The following SULF1 variants were observed in gnomAD, a reference collection of about 807,000 sequenced individuals.
SULF1 encodes extracellular sulfatase Sulf-1.
SULF1 carries 46 observed loss-of-function variants against 110.5 expected under a neutral mutation model. That is an observed-to-expected ratio of 0.42 (90% CI 0.33 to 0.53). The LOEUF (loss-of-function observed/expected upper bound fraction) is 0.53, where lower values mean the gene tolerates loss of function less well. SULF1 is among the 20% of genes least tolerant of loss of function. The pLI is 0.12. For missense variants in SULF1, 941 were observed against 1,094.2 expected, an observed-to-expected ratio of 0.86 and a Z score of 1.98; for synonymous variants, 371 against 387.1, an observed-to-expected ratio of 0.96 and a Z score of 0.49.
intron 12 of SULF1, among the ~76,000 whole-genome samples, chr8:69,604,261 A>T (rs1808049503): frequency 6.6e-6 from 1 of 152,140 alleles, no homozygotes; most frequent in Non-Finnish European, 1.5e-5. Flanking sequence ...AGACCAGTGG[A>T]TTGAGTTTCT....
intron 8 of SULF1, among the ~76,000 whole-genome samples, chr8:69,590,351 C>T (rs765149062): frequency 6.6e-5 from 10 of 152,208 alleles, no homozygotes; most frequent in South Asian, 2.1e-4. Flanking sequence ...TTAGTAGAGA[C>T]GCAGTTCCAC....
Position 69,561,877 on chromosome 8 carries a change from G to T in SULF1, c.-133-1662G>T, listed in dbSNP as rs1815508552. Among the ~76,000 whole-genome samples, 4 of 152,186 alleles carry T rather than the reference G, an allele frequency of 2.6e-5. No individual in the cohort carries two copies. In the South Asian group the frequency reaches 8.3e-4, roughly 32 times the overall value. ...TTCCTGTCCCTTCATGCCTGTATCA[G>T]GTTTCTCACGATTTAAAACAAATGC... On this transcript the variant is annotated intron_variant, in intron 3 of 22. Coordinates refer to ENST00000402687, the MANE Select transcript of SULF1 (RefSeq NM_001128205.2).
intron 13 of SULF1, among the ~76,000 whole-genome samples, chr8:69,615,205 C>A (rs1460212520): frequency 6.6e-6 from 1 of 152,206 alleles, no homozygotes; most frequent in Non-Finnish European, 1.5e-5. Context: ...CAAAAAACAT[C>A]CCTTCTCATT....
chr8:69,640,792 T>C lies in SULF1; in HGVS notation c.2552-16T>C. Reference sequence around the variant, plus strand: ...CTAAAGCTAACAGAAATTACTCTTGTATTTTCCTATATCAGGAAATAAAGA... The same window carrying C: ...CTAAAGCTAACAGAAATTACTCTTGCATTTTCCTATATCAGGAAATAAAGA... On this transcript the variant is annotated splice_polypyrimidine_tract_variant and intron_variant, in intron 21 of 22. Transcript: ENST00000402687. 1 of 1,608,542 alleles carries C rather than the reference T, an allele frequency of 6.2e-7. No individual in the cohort carries two copies. Among genetic ancestry groups the C allele is most frequent in the Non-Finnish European group, 8.5e-7 (1 of 1,177,514 alleles).
intron 8 of SULF1, among the ~76,000 whole-genome samples, chr8:69,599,513 G>T (rs1298211058): frequency 6.6e-6 from 1 of 152,122 alleles, no homozygotes; most frequent in Non-Finnish European, 1.5e-5. Flanking sequence ...GATTTTCTCT[G>T]CTGTAAAGAG....
In SULF1 at chr8:69,536,916, G is replaced by T. The variant is rs181659994; in HGVS notation, c.-133-26623G>T. On this transcript the variant is annotated intron_variant, in intron 3 of 22. Coordinates refer to ENST00000402687, the MANE Select transcript of SULF1 (RefSeq NM_001128205.2). ...GGTGGTGTCCTGCAGAAGGACCCAG[G>T]CGCTTGACTGCCTGAGTTAAATGCC... Among the ~76,000 whole-genome samples the T allele has an allele frequency of 3.0e-3, 452 of 152,280 alleles. 10 individuals carry two copies. The highest frequency in any genetic ancestry group is 0.02 in the Admixed American group (308 of 15,302).
In SULF1 at chr8:69,621,544, G is replaced by T. The variant is rs72658280; in HGVS notation, c.1594+293G>T. Among the ~76,000 whole-genome samples the T allele has an allele frequency of 0.078, 11,844 of 152,266 alleles. 523 individuals carry two copies. The highest frequency in any genetic ancestry group is 0.2 in the South Asian group (981 of 4,826). The stretch of plus-strand genomic sequence containing the variant: ...AAAATGGTTATTCCAAAAGGTAAAG[G>T]ATATGGTTTAAGTCCATTTTATTTT... On this transcript the variant is annotated intron_variant, in intron 14 of 22. Transcript: ENST00000402687.
chr8:69,612,801 G>T (rs1808766941), intron 13 of SULF1, among the ~76,000 whole-genome samples: 1 of 152,208 alleles, frequency 6.6e-6, no homozygotes, highest in Non-Finnish European at 1.5e-5. Context: ...CACTCTGTGG[G>T]TTGTCTGTTT....
At chr8:69,658,015 G>T (rs1417531885) in intron 22 of SULF1, among the ~76,000 whole-genome samples, 1 of 152,216 alleles carries the variant, frequency 6.6e-6, no homozygotes, top group Non-Finnish European at 1.5e-5. Flanking sequence ...TATACTGAGT[G>T]TTAGGGAATA....
intron 3 of SULF1, among the ~76,000 whole-genome samples, chr8:69,517,570 T>C (rs574189171): frequency 1.4e-4 from 22 of 152,004 alleles, no homozygotes; most frequent in Non-Finnish European, 2.4e-4. Flanking sequence ...AAAAGGCAGG[T>C]AAATGGGTGG....
chr8:69,564,089 A>G lies in SULF1; in HGVS notation c.114A>G (p.Arg38=). ...PRFRGRIQQE[R]KNIRPNIILV... is the part of the protein sequence containing the mutation. ...TCAGAGGACGGATACAGCAGGAACGAAAAAACATCCGACCCAACATTATTC... is the reference window on the plus strand; with the variant it reads ...TCAGAGGACGGATACAGCAGGAACGGAAAAACATCCGACCCAACATTATTC... Residue 38 remains arginine, a synonymous_variant, in exon 5 of 23, where the codon CGA becomes CGG. Coordinates refer to ENST00000402687, the MANE Select transcript of SULF1 (RefSeq NM_001128205.2). The G allele has an allele frequency of 6.2e-7, 1 of 1,614,188 alleles. No individual in the cohort carries two copies. Among genetic ancestry groups the G allele is most frequent in the Non-Finnish European group, 8.5e-7 (1 of 1,180,030 alleles).
upstream of SULF1, among the ~76,000 whole-genome samples, chr8:69,489,569 C>CCCTTTT (rs1563461557): frequency 7.4e-6 from 1 of 135,156 alleles, no homozygotes; most frequent in African/African-American, 2.8e-5. Context: ...TTCTTTCTTT[C>CCCTTTT]TCTTTTTTTT....
chr8:69,489,599 T>C (rs1809842154), upstream of SULF1, among the ~76,000 whole-genome samples: 1 of 131,108 alleles, frequency 7.6e-6, no homozygotes, highest in Non-Finnish European at 1.6e-5. Context: ...TTTTTTGAGA[T>C]GGAGTCTTGC....
At position 69,564,041 on chromosome 8, in the gene SULF1, T is replaced by G; in HGVS notation, c.66T>G (p.Cys22Trp). 1 of 1,614,208 alleles carries G rather than the reference T, an allele frequency of 6.2e-7. No individual in the cohort carries two copies. The highest frequency in any genetic ancestry group is 1.1e-5 in the South Asian group (1 of 91,078). Reference protein sequence around the residue: ...VLGTELLGSLCSTVRSPRFRG... With the variant: ...VLGTELLGSLWSTVRSPRFRG... Reference sequence around the variant, plus strand: ...GCACAGAATTGCTGGGAAGCCTCTGTTCGACTGTCAGATCCCCGAGGTTCA... The same window carrying G: ...GCACAGAATTGCTGGGAAGCCTCTGGTCGACTGTCAGATCCCCGAGGTTCA... The change falls in exon 5 of 23, where the codon TGT becomes TGG. Residue 22 changes from cysteine (C) to tryptophan (W), a missense_variant. By Grantham distance (215) the Cys-to-Trp change is radical (BLOSUM62 -2). Transcript: ENST00000402687.
At chr8:69,600,791 C>T in intron 9 of SULF1, 38 bp downstream of exon 9, 1 of 1,597,282 alleles carries the variant, frequency 6.3e-7, no homozygotes, top group African/African-American at 1.3e-5. Context: ...AGTTTTTGGC[C>T]CAGCTTCCTT....
intron 22 of SULF1, among the ~76,000 whole-genome samples, chr8:69,650,516 A>T (rs1174465320): frequency 6.6e-6 from 1 of 152,166 alleles, no homozygotes; most frequent in African/African-American, 2.4e-5. Context: ...TAGTCCCAGC[A>T]CCTGTTGTCC....
At chr8:69,626,750 G>T (rs1162440296) in intron 15 of SULF1, among the ~76,000 whole-genome samples, 2 of 152,258 alleles carry the variant, frequency 1.3e-5, no homozygotes, top group East Asian at 1.9e-4. Context: ...CGCAAGGGCC[G>T]GCCGGCCTCT....
At chr8:69,469,802 G>A (rs1036183141) in intron 1 of SULF1, among the ~76,000 whole-genome samples, 2 of 152,218 alleles carry the variant, frequency 1.3e-5, no homozygotes, top group Non-Finnish European at 2.9e-5. Flanking sequence ...AACATTTTGG[G>A]AGGCCGAGGC....
intron 3 of SULF1, among the ~76,000 whole-genome samples, chr8:69,561,669 T>C (rs1271883027): frequency 1.3e-5 from 2 of 152,180 alleles, no homozygotes; most frequent in East Asian, 3.9e-4. Context: ...ATTTACAGTA[T>C]AGTGGATGCA....
Sources: gnomAD v4.1 joint callset for allele counts (sites outside exome capture counted in the v4.1 genomes callset) on GRCh38, gnomAD v4.1.1 for gene constraint, MANE v1.5 for transcripts, NCBI Gene and HGNC (gene_info 2026-07-23, HGNC 2026-07-21) for gene names.